The following CCDC148 variants were observed in gnomAD, a reference collection of about 807,000 sequenced individuals.
CCDC148 encodes coiled-coil domain containing 148, also known as coiled-coil domain-containing protein 148.
CCDC148 carries 89 observed loss-of-function variants against 85.7 expected under a neutral mutation model. That is an observed-to-expected ratio of 1.04 (90% confidence interval 0.87 to 1.24). CCDC148 has a LOEUF of 1.24. Among genes scored for constraint, CCDC148 ranks in the 50% most tolerant of loss-of-function variants. CCDC148 has a pLI of 0.00. For missense variants in CCDC148, 692 were observed against 671.7 expected (o/e 1.03, Z -0.33); for synonymous variants, 230 against 213.9 (o/e 1.08, Z -0.66).
rs1036609887 is a variant in CCDC148 at position 158,332,228 on chromosome 2, T to C, written c.764+6498A>G. ...TGGTGACAAAATCTCTCAGCATTTG[T>C]TTGTCTGTAAAGGATTTTATTTCTC... On this transcript the variant is annotated intron_variant, in intron 7 of 13. Transcript: ENST00000283233. Among the ~76,000 whole-genome samples, 6 of 152,046 alleles carry C rather than the reference T, an allele frequency of 3.9e-5. No individual in the cohort carries two copies. In the South Asian group the frequency reaches 1.0e-3, roughly 26 times the overall value.
chr2:158,432,490 T>C (rs1473463266), intron 1 of CCDC148, among the ~76,000 whole-genome samples: 2 of 152,128 alleles, frequency 1.3e-5, no homozygotes, highest in South Asian at 4.1e-4. Context: ...AATTCAACAA[T>C]GTAGATGTAA....
rs1027366403 is a variant in CCDC148, at chr2:158,206,474, A to C, written c.1370+14121T>G. On this transcript the variant is annotated intron_variant, in intron 11 of 13. Coordinates refer to ENST00000283233, the MANE Select transcript of CCDC148 (RefSeq NM_138803.4). ...CATGCACTGGTCCAGACAGAAGCAG[A>C]GTGCTGAGATTGATGGCCCTGCTCA... Among the ~76,000 whole-genome samples the C allele has an allele frequency of 7.9e-5, 12 of 152,348 alleles. No homozygotes were observed. The East Asian group carries it at 2.1e-3, about 27-fold the overall frequency.
At chr2:158,318,156 G>A (rs1364015299) in intron 7 of CCDC148, among the ~76,000 whole-genome samples, 2 of 152,136 alleles carry the variant, frequency 1.3e-5, no homozygotes, top group African/African-American at 4.8e-5. Flanking sequence ...CAGGCCCACT[G>A]TCCAGATATA....
intron 2 of CCDC148, among the ~76,000 whole-genome samples, chr2:158,350,502 A>T (rs1358899388): frequency 1.3e-5 from 2 of 152,198 alleles, no homozygotes; most frequent in Non-Finnish European, 2.9e-5. Flanking sequence ...ATTTGGTAAC[A>T]GGTCTCAAAA....
At chr2:158,399,393 C>T (rs1321302621) in intron 1 of CCDC148, among the ~76,000 whole-genome samples, 4 of 152,220 alleles carry the variant, frequency 2.6e-5, no homozygotes, top group Non-Finnish European at 4.4e-5. Flanking sequence ...TACTGGCAAA[C>T]CAAATCCAGC....
chr2:158,235,208 T>A (rs1688047356), intron 10 of CCDC148, among the ~76,000 whole-genome samples: 1 of 152,248 alleles, frequency 6.6e-6, no homozygotes. Context: ...CCAGTTTTTA[T>A]AATGTCTGGC....
At chr2:158,358,742 G>A (rs1683789472) in intron 1 of CCDC148, among the ~76,000 whole-genome samples, 172 bp from the exon 2 acceptor site, 1 of 151,732 alleles carries the variant, frequency 6.6e-6, no homozygotes, top group African/African-American at 2.4e-5. Context: ...TCTATTTCTA[G>A]AAATTATTAT....
intron 1 of CCDC148, among the ~76,000 whole-genome samples, chr2:158,442,278 T>C (rs759383061): frequency 6.6e-6 from 1 of 152,206 alleles, no homozygotes; most frequent in African/African-American, 2.4e-5. Context: ...GAAATGTTTT[T>C]GTCAATTAAT....
intron 1 of CCDC148, among the ~76,000 whole-genome samples, chr2:158,407,560 A>G (rs1251497343): frequency 3.3e-5 from 5 of 152,180 alleles, no homozygotes; most frequent in Admixed American, 2.0e-4. Context: ...ATTTAACTGG[A>G]AAGAGAGGTA....
chr2:158,303,240 A>G (rs920294666), intron 9 of CCDC148, among the ~76,000 whole-genome samples: 3 of 152,306 alleles, frequency 2.0e-5, no homozygotes, highest in Admixed American at 2.0e-4. Context: ...CAAATTTATG[A>G]TACAATGAAG....
intron 10 of CCDC148, among the ~76,000 whole-genome samples, chr2:158,225,247 A>G (rs1199823971): frequency 6.6e-6 from 1 of 152,258 alleles, no homozygotes; most frequent in Non-Finnish European, 1.5e-5. Context: ...TTCAACAAGA[A>G]GAGCTAACTA....
In CCDC148 at chr2:158,316,944, T is replaced by G. The variant is rs56861664; in HGVS notation, c.765-3050A>C. 7.3e-3 allele frequency among the ~76,000 whole-genome samples: 1,118 copies of G among 152,332 alleles called. 19 individuals carry two copies. The highest frequency in any genetic ancestry group is 0.026 in the African/African-American group (1,066 of 41,582). On this transcript the variant is annotated intron_variant, in intron 7 of 13. Transcript: ENST00000283233. ...CATTTCCAAGTGTAAATGTGGACACTTTTTAAATCAAACCTTCATCTTTTT... is the reference window on the plus strand; with the variant it reads ...CATTTCCAAGTGTAAATGTGGACACGTTTTAAATCAAACCTTCATCTTTTT...
intron 7 of CCDC148, among the ~76,000 whole-genome samples, chr2:158,315,017 A>T (rs1159516002): frequency 1.3e-5 from 2 of 152,224 alleles, no homozygotes; most frequent in Non-Finnish European, 2.9e-5. Context: ...ATTCTTTTTC[A>T]AAGAAAAAAG....
At chr2:158,411,230 C>T (rs148817516) in intron 1 of CCDC148, among the ~76,000 whole-genome samples, 1 of 152,248 alleles carries the variant, frequency 6.6e-6, no homozygotes, top group African/African-American at 2.4e-5. Flanking sequence ...TTTCCTATCC[C>T]AGATTTGGGA....
At chr2:158,256,777 G>A (rs928003926) in intron 9 of CCDC148, among the ~76,000 whole-genome samples, 1 of 151,716 alleles carries the variant, frequency 6.6e-6, no homozygotes, top group South Asian at 2.1e-4. Context: ...TCTTGGCTCA[G>A]ATGCCATTTG....
intron 1 of CCDC148, among the ~76,000 whole-genome samples, chr2:158,434,301 T>G (rs1178222618): frequency 6.6e-6 from 1 of 152,160 alleles, no homozygotes; most frequent in Non-Finnish European, 1.5e-5. Context: ...CAGCAACATT[T>G]GTCATTCTGC....
Position 158,220,707 on chromosome 2 carries a change from T to C in CCDC148, c.1258A>G (p.Lys420Glu). The C allele has an allele frequency of 6.4e-7, 1 of 1,571,474 alleles. No homozygotes were observed. The highest frequency in any genetic ancestry group is 2.3e-5 in the East Asian group (1 of 43,684). Residue 420 changes from lysine (K) to glutamate (E), a missense_variant, in exon 11 of 14, where the codon AAA (lysine) becomes GAA (glutamate). Transcript: ENST00000283233. ...QRAEKKKKIK[K>E]YWAKKKQKWQ... ...TTCTGTTTTTTCTTGGCCCAGTATT[T>C]TTTTATCTATTGTATAAATGTTACA...
At chr2:158,325,762 T>C (rs1304430687) in intron 7 of CCDC148, among the ~76,000 whole-genome samples, 1 of 152,176 alleles carries the variant, frequency 6.6e-6, no homozygotes, top group Non-Finnish European at 1.5e-5. Flanking sequence ...TCCTTCTAGT[T>C]GCTCAGTCCC....
intron 13 of CCDC148, among the ~76,000 whole-genome samples, chr2:158,174,315 T>C (rs937625468): frequency 4.6e-5 from 7 of 152,060 alleles, no homozygotes; most frequent in Non-Finnish European, 1.0e-4. Flanking sequence ...CAGCTCTTAA[T>C]ATTACTTGTT....
Sources: gnomAD v4.1 joint callset for allele counts (sites outside exome capture counted in the v4.1 genomes callset) on GRCh38, gnomAD v4.1.1 for gene constraint, MANE v1.5 for transcripts, NCBI Gene and HGNC (gene_info 2026-07-23, HGNC 2026-07-21) for gene names.